Variants in PRPF8 observed in about 807,000 individuals in gnomAD.
PRPF8 encodes the protein pre-mRNA processing factor 8.
In PRPF8, 64 loss-of-function variants were observed where a neutral mutation model predicts 285.9. That is an observed-to-expected ratio of 0.22 (90% CI 0.18 to 0.28). PRPF8 has a LOEUF of 0.28. Among genes scored for constraint, PRPF8 ranks in the 10% least tolerant of loss-of-function variants. PRPF8 has a pLI of 1.00. For synonymous variants in PRPF8, 1,325 were observed against 1,118.2 expected (o/e 1.18, Z -3.69); for missense variants, 1,426 against 3,026.7 (o/e 0.47, Z 12.41).
intron 34 of PRPF8, among the ~76,000 whole-genome samples, chr17:1,657,431 G>A (rs930087417): frequency 4.0e-4 from 61 of 152,208 alleles, no homozygotes; most frequent in African/African-American, 1.4e-3. Context: ...GGATCACGAG[G>A]TCAGGAGATT....
chr17:1,678,840 A>G lies in PRPF8; in HGVS notation c.1641T>C (p.Cys547=). Residue 547 remains cysteine (C), a synonymous_variant, in exon 12 of 43, where the codon TGT becomes TGC. Coordinates refer to ENST00000304992, the MANE Select transcript of PRPF8 (RefSeq NM_006445.4). ...KSRFGNAFHL[C]REVLRLTKLV... Reference sequence around the variant, plus strand: ...GCTTAGTCAAACGCAGAACTTCCCGACACAGGTGGAAAGCATTCCCAAAAC... The same window carrying G: ...GCTTAGTCAAACGCAGAACTTCCCGGCACAGGTGGAAAGCATTCCCAAAAC... 1 of 1,614,172 alleles carries G rather than the reference A, an allele frequency of 6.2e-7. No homozygotes were observed. The highest frequency in any genetic ancestry group is 1.6e-4 in the Middle Eastern group (1 of 6,062).
At chr17:1,683,270 C>G (rs993625302) in intron 3 of PRPF8, 7 of 495,822 alleles carry the variant, frequency 1.4e-5, no homozygotes, top group Non-Finnish European at 2.2e-5. Context: ...GCTGGGATTA[C>G]AGGCATGAGC....
At position 1,651,199 on chromosome 17, in the gene PRPF8, T is replaced by A. The variant is rs372075957; in HGVS notation, c.6762A>T (p.Ser2254=). Residue 2254 remains serine, a synonymous_variant, in exon 42 of 43, where the codon TCA becomes TCT. Coordinates refer to ENST00000304992, the MANE Select transcript of PRPF8 (RefSeq NM_006445.4). This position sits in a 1 kb window ranked among gnomAD's most constrained non-coding sequence, Gnocchi z 5.1. ...GCAGCATCTGCACCCTCTCATAGTGTGAAGGCAGGTAGCCCTTGGGGTTGT... is the reference window on the plus strand; with the variant it reads ...GCAGCATCTGCACCCTCTCATAGTGAGAAGGCAGGTAGCCCTTGGGGTTGT... ...KGNNPKGYLP[S]HYERVQMLLS... 9 of 1,614,120 alleles carry A rather than the reference T, an allele frequency of 5.6e-6. No homozygotes were observed. Among genetic ancestry groups the A allele is most frequent in the African/African-American group, 1.3e-5 (1 of 75,030 alleles).
intron 24 of PRPF8, among the ~76,000 whole-genome samples, chr17:1,666,845 G>T (rs552012220): frequency 5.3e-5 from 8 of 152,156 alleles, no homozygotes; most frequent in Admixed American, 3.3e-4. Context: ...TGAGCATCTC[G>T]CATGTCCACA....
intron 2 of PRPF8, among the ~76,000 whole-genome samples, chr17:1,684,264 G>A (rs376122706): frequency 6.6e-6 from 1 of 152,196 alleles, no homozygotes; most frequent in Non-Finnish European, 1.5e-5. Context: ...GTAAGGACAG[G>A]AATTTTGTCT....
chr17:1,683,159 C>A, intron 3 of PRPF8: 2 of 323,806 alleles, frequency 6.2e-6, no homozygotes, highest in East Asian at 1.6e-4. Context: ...CCACGCCCAG[C>A]TAATTTTGTG....
chr17:1,660,678 C>A lies in PRPF8; in HGVS notation c.4638+20G>T. The stretch of plus-strand genomic sequence containing the variant: ...AGCAACTGTCTTTAGCTTCCCCTCT[C>A]CAGTGTCAATCACACTCACATTGGC... On this transcript the variant is annotated intron_variant, in intron 29 of 42. Transcript: ENST00000304992. 6.2e-7 allele frequency: 1 copy of A among 1,614,192 alleles called. No individual in the cohort carries two copies. The highest frequency in any genetic ancestry group is 8.5e-7 in the Non-Finnish European group (1 of 1,180,042).
chr17:1,676,117 G>A lies in PRPF8; in HGVS notation c.2553-63C>T. On this transcript the variant is annotated intron_variant, in intron 17 of 42. Coordinates refer to ENST00000304992, the MANE Select transcript of PRPF8 (RefSeq NM_006445.4). This position sits in a 1 kb window ranked among gnomAD's most constrained non-coding sequence, Gnocchi z 6.3. ...GGAGGAAGTAAAACCAGGAAAGACT[G>A]GGGCTACACCTTCTTTCTTTGGACT... 1.2e-6 allele frequency: 2 copies of A among 1,612,020 alleles called. No homozygotes were observed. Among genetic ancestry groups the A allele is most frequent in the Admixed American group, 1.7e-5 (1 of 60,016 alleles).
At position 1,673,254 on chromosome 17, in the gene PRPF8, A is replaced by T; in HGVS notation, c.3658-57T>A. The stretch of plus-strand genomic sequence containing the variant: ...AGGAACTCCCACAGAAGCAAGAGCC[A>T]ACTGTGCCCACCACTCAAGTCTTTC... On this transcript the variant is annotated intron_variant, in intron 23 of 42. Coordinates refer to ENST00000304992, the MANE Select transcript of PRPF8 (RefSeq NM_006445.4). The surrounding 1 kb of genome is among the most constrained non-coding windows in gnomAD (Gnocchi z 5.5). The T allele has an allele frequency of 2.5e-6, 4 of 1,603,654 alleles. No homozygotes were observed. In the South Asian group the frequency reaches 3.3e-5, roughly 13 times the overall value.
chr17:1,677,949 T>C (rs1912695120), intron 13 of PRPF8, among the ~76,000 whole-genome samples: 1 of 152,118 alleles, frequency 6.6e-6, no homozygotes, highest in Non-Finnish European at 1.5e-5. Context: ...GACACAGTCA[T>C]AGCTGCTCTC....
At chr17:1,666,957 G>A (rs28510937) in intron 24 of PRPF8, among the ~76,000 whole-genome samples, 13,850 of 152,140 alleles carry the variant, frequency 0.091, 1,376 homozygotes, top group African/African-American at 0.25. Context: ...GTTGGATCAT[G>A]AGGTCAGGAG....
Position 1,652,276 on chromosome 17 carries a change from T to A in PRPF8, c.6370-488A>T, listed in dbSNP as rs1597224955. 4 of 286,308 alleles carry A rather than the reference T, an allele frequency of 1.4e-5. No homozygotes were observed. In the East Asian group the frequency reaches 3.6e-4, roughly 26 times the overall value. 17.7% of individuals were successfully genotyped at this position (286,308 alleles called of 1,614,324 possible). ...GGGTTTGAGATGGAGTCTCACTCTG[T>A]CAGCAAGGCTGGAGTGCAGTGGTGT... On this transcript the variant is annotated intron_variant, in intron 39 of 42. Transcript: ENST00000304992.
At chr17:1,671,975 C>T (rs890999574) in intron 24 of PRPF8, among the ~76,000 whole-genome samples, 10 of 151,848 alleles carry the variant, frequency 6.6e-5, no homozygotes, top group African/African-American at 9.7e-5. Flanking sequence ...GCTATGATAG[C>T]GCCACTGCCC....
At position 1,683,027 on chromosome 17, in the gene PRPF8, G is replaced by A. The variant is rs1181049057; in HGVS notation, c.269+506C>T. Reference sequence around the variant, plus strand: ...TTTTTTTTTTTTGAGACGGAGTCTCGTACTTTCGCCCAGGCCAGAGTGCAG... The same window carrying A: ...TTTTTTTTTTTTGAGACGGAGTCTCATACTTTCGCCCAGGCCAGAGTGCAG... On this transcript the variant is annotated intron_variant, in intron 3 of 42. Coordinates refer to ENST00000304992, the MANE Select transcript of PRPF8 (RefSeq NM_006445.4). 12 of 161,252 alleles carry A rather than the reference G, an allele frequency of 7.4e-5. No homozygotes were observed. In the South Asian group the frequency reaches 1.2e-3, roughly 16 times the overall value. The allele number at this position is 161,252 out of a possible 1,614,324, so 10.0% of individuals were successfully genotyped here.
Position 1,653,139 on chromosome 17 carries a change from C to T in PRPF8, c.6369+403G>A, listed in dbSNP as rs1911175207. 3.0e-6 allele frequency: 1 copy of T among 333,606 alleles called. No individual in the cohort carries two copies. The highest frequency in any genetic ancestry group is 7.6e-5 in the East Asian group (1 of 13,156). The allele number at this position is 333,606 out of a possible 1,614,324, so 20.7% of individuals were successfully genotyped here. ...ATTTTTAGTAGAGACAGGGTTTCACCATATTGGTCAGGCTGGTCTCAAACC... is the reference window on the plus strand; with the variant it reads ...ATTTTTAGTAGAGACAGGGTTTCACTATATTGGTCAGGCTGGTCTCAAACC... On this transcript the variant is annotated intron_variant, in intron 39 of 42. Transcript: ENST00000304992. This position sits in a 1 kb window ranked among gnomAD's most constrained non-coding sequence, Gnocchi z 4.9.
At chr17:1,670,707 A>G (rs1030511113) in intron 24 of PRPF8, among the ~76,000 whole-genome samples, 1 of 152,060 alleles carries the variant, frequency 6.6e-6, no homozygotes, top group Non-Finnish European at 1.5e-5. Context: ...GGCTGGTCTC[A>G]AACTCCTGAC....
At chr17:1,677,777 T>C (rs1035841063) in intron 13 of PRPF8, 83 bp from the exon 14 acceptor site, 51 of 1,548,434 alleles carry the variant, frequency 3.3e-5, no homozygotes, top group Non-Finnish European at 3.7e-5. Context: ...GTGGGGCATA[T>C]ATGTATAATA....
intron 24 of PRPF8, among the ~76,000 whole-genome samples, chr17:1,668,213 C>G (rs1319630301): frequency 6.6e-6 from 1 of 152,200 alleles, no homozygotes; most frequent in African/African-American, 2.4e-5. Flanking sequence ...TGCATCCTTA[C>G]CCTCTCAGAC....
intron 24 of PRPF8, among the ~76,000 whole-genome samples, chr17:1,664,691 A>T (rs1221477493): frequency 6.6e-6 from 1 of 152,176 alleles, no homozygotes; most frequent in Admixed American, 6.5e-5. Context: ...TAAAACTAAG[A>T]TCATATACAA....
Sources: gnomAD v4.1 joint callset for allele counts (sites outside exome capture counted in the v4.1 genomes callset) on GRCh38, gnomAD v4.1.1 for gene constraint, Gnocchi (gnomAD v3.1) non-coding constraint, MANE v1.5 for transcripts, NCBI Gene and HGNC (gene_info 2026-07-23, HGNC 2026-07-21) for gene names.